UNC80: variants seen among roughly 807,000 people sequenced by gnomAD.
UNC80 encodes the protein unc-80 subunit of NALCN channel complex.
UNC80 carries 164 observed loss-of-function variants against 384.6 expected under a neutral mutation model. The ratio of observed to expected loss-of-function variants is 0.43; its 90% CI spans 0.38 to 0.49. The LOEUF (loss-of-function observed/expected upper bound fraction) is 0.49, where lower values mean the gene tolerates loss of function less well. UNC80 is among the 20% of genes least tolerant of loss of function. The pLI is 0.00. For synonymous variants in UNC80, 1,486 were observed against 1,527.8 expected, an observed-to-expected ratio of 0.97 and a Z score of 0.64; for missense variants, 3,330 against 4,143.0, an observed-to-expected ratio of 0.80 and a Z score of 5.39.
At chr2:209,795,868 T>A (rs746268501) in intron 7 of UNC80, 3 of 152,252 alleles carry the variant, frequency 2.0e-5, no homozygotes, top group Non-Finnish European at 4.4e-5. Context: ...AGGGCCCTCA[T>A]GGAGAACCTC....
At chr2:209,858,411 A>C (rs1034930705) in intron 22 of UNC80, among the ~76,000 whole-genome samples, 2 of 152,284 alleles carry the variant, frequency 1.3e-5, no homozygotes, top group East Asian at 1.9e-4. Context: ...ATGTCTTATT[A>C]AAAGCATGTA....
Position 209,840,637 on chromosome 2 carries a change from C to G in UNC80, c.3346C>G (p.Gln1116Glu). Reference protein sequence around the residue: ...SSVDRLSFIRQSSKVKFTSAV... With the variant: ...SSVDRLSFIRESSKVKFTSAV... ...TGTGGACCGACTCTCTTTCATCAGGCAAAGCTCCAAGGTAAACAGGACATA... is the reference window on the plus strand; with the variant it reads ...TGTGGACCGACTCTCTTTCATCAGGGAAAGCTCCAAGGTAAACAGGACATA... Residue 1116 changes from glutamine (Q) to glutamate (E), a missense_variant, in exon 20 of 65, where the codon CAA becomes GAA. By Grantham distance (29) the Gln-to-Glu change is conservative (BLOSUM62 2). Coordinates refer to ENST00000673920, the MANE Select transcript of UNC80 (RefSeq NM_001371986.1). 6.4e-7 allele frequency: 1 copy of G among 1,551,868 alleles called. No individual in the cohort carries two copies. The highest frequency in any genetic ancestry group is 1.2e-5 in the South Asian group (1 of 84,052).
chr2:209,866,490 C>CACACACACACACACA (rs1559226593), intron 22 of UNC80, among the ~76,000 whole-genome samples: 5 of 107,554 alleles, frequency 4.6e-5, no homozygotes, highest in East Asian at 2.9e-4. Flanking sequence ...AAATGCACCC[C>CACACACACACACACA]CACACACACA....
At chr2:209,780,587 G>A (rs2077103017) in intron 4 of UNC80, among the ~76,000 whole-genome samples, 1 of 152,142 alleles carries the variant, frequency 6.6e-6, no homozygotes, top group Admixed American at 6.5e-5. Context: ...TGCATTGTAG[G>A]ATATTTAGTA....
At chr2:209,963,534 A>G (rs1196305501) in intron 51 of UNC80, among the ~76,000 whole-genome samples, 1 of 152,242 alleles carries the variant, frequency 6.6e-6, no homozygotes, top group African/African-American at 2.4e-5. Flanking sequence ...AGACAGATTG[A>G]TTATCTCACA....
At chr2:209,974,069 A>G (rs892188323) in intron 56 of UNC80, among the ~76,000 whole-genome samples, 2 of 152,162 alleles carry the variant, frequency 1.3e-5, no homozygotes, top group African/African-American at 4.8e-5. Context: ...TAGCGCTGAG[A>G]ATAAGTGGCA....
chr2:209,846,453 T>G (rs947430888), intron 21 of UNC80, among the ~76,000 whole-genome samples: 4 of 152,114 alleles, frequency 2.6e-5, no homozygotes, highest in African/African-American at 7.2e-5. Context: ...TTGTATGTTC[T>G]CAGCTGTGCC....
chr2:209,967,501 C>G lies in UNC80; in HGVS notation c.7870C>G (p.Arg2624Gly), dbSNP rs1006036798. The change falls in exon 52 of 65, where the codon CGT becomes GGT. Residue 2624 changes from arginine (R) to glycine (G), a missense_variant. Around this residue, in one of 8 missense-constraint regions of UNC80, gnomAD observed 1,049 missense variants for 1,488.6 expected, o/e 0.70. Coordinates refer to ENST00000673920, the MANE Select transcript of UNC80 (RefSeq NM_001371986.1). Reference protein sequence around the residue: ...APYDTQTMESRGLRRYIMEML... With the variant: ...APYDTQTMESGGLRRYIMEML... ...ATATGACACTCAGACAATGGAGAGT[C>G]GTGGGCTTCGGCGCTACATCATGGA... 1 of 1,551,504 alleles carries G rather than the reference C, an allele frequency of 6.4e-7. No homozygotes were observed. Among genetic ancestry groups the G allele is most frequent in the East Asian group, 2.4e-5 (1 of 40,922 alleles).
intron 46 of UNC80, 56 bp from the exon 47 acceptor site, chr2:209,945,791 C>A: frequency 8.1e-7 from 1 of 1,234,054 alleles, no homozygotes; most frequent in South Asian, 1.3e-5. Flanking sequence ...ATAGGTGCTT[C>A]TTTATCTCCT....
Position 209,825,904 on chromosome 2 carries a change from CA to C in UNC80, c.2332-2del. 1 of 1,527,560 alleles carries C rather than the reference CA, an allele frequency of 6.5e-7. No homozygotes were observed. The highest frequency in any genetic ancestry group is 1.3e-5 in the South Asian group (1 of 79,016). 94.6% of individuals were successfully genotyped at this position (1,527,560 alleles called of 1,614,324 possible). ...TTCTTTCTTTCTCATTCGTGGGTAC[CA>C]GGATGAAAGTACACCTGTAAGCAAC... is the stretch of plus-strand genomic sequence containing the variant. On this transcript the variant is annotated splice_acceptor_variant, in intron 13 of 64. Transcript: ENST00000673920. LOFTEE classifies it high-confidence loss of function.
intron 7 of UNC80, among the ~76,000 whole-genome samples, chr2:209,803,301 T>C (rs533472938): frequency 6.6e-6 from 1 of 152,296 alleles, no homozygotes; most frequent in African/African-American, 2.4e-5. Context: ...ATGTACAAAC[T>C]CTTCCTATAT....
intron 7 of UNC80, 77 bp downstream of exon 7, chr2:209,793,936 T>C: frequency 3.2e-6 from 5 of 1,539,364 alleles, no homozygotes; most frequent in Non-Finnish European, 4.5e-6. Context: ...ACTACTTCGA[T>C]AGCCTCTGTT....
intron 51 of UNC80, 53 bp downstream of exon 51, chr2:209,959,760 T>C: frequency 1.3e-6 from 2 of 1,498,122 alleles, no homozygotes; most frequent in Non-Finnish European, 1.8e-6. Flanking sequence ...GGCCCATGTG[T>C]CTGAATGTGT....
intron 31 of UNC80, among the ~76,000 whole-genome samples, chr2:209,915,959 T>TA (rs1173304383): frequency 6.6e-6 from 1 of 152,252 alleles, no homozygotes; most frequent in East Asian, 1.9e-4. Context: ...CATTACATTC[T>TA]ATTCATATAA....
intron 58 of UNC80, among the ~76,000 whole-genome samples, chr2:209,978,046 A>G (rs1461462992): frequency 6.6e-6 from 1 of 152,214 alleles, no homozygotes; most frequent in African/African-American, 2.4e-5. Context: ...CATAGAACTG[A>G]GGGATATTTT....
intron 61 of UNC80, among the ~76,000 whole-genome samples, chr2:209,986,080 C>G (rs943368659): frequency 6.6e-6 from 1 of 152,080 alleles, no homozygotes; most frequent in South Asian, 2.1e-4. Flanking sequence ...TTAGCAGGAG[C>G]TTTGGGGGCA....
chr2:209,890,825 A>G (rs1255014018), intron 26 of UNC80, among the ~76,000 whole-genome samples: 1 of 152,224 alleles, frequency 6.6e-6, no homozygotes, highest in East Asian at 1.9e-4. Flanking sequence ...TTAAATATAC[A>G]TAATAAGCAT....
At position 209,984,490 on chromosome 2, in the gene UNC80, T is replaced by C. The variant is rs369415055; in HGVS notation, c.9258-366T>C. Among the ~76,000 whole-genome samples, 13 of 152,310 alleles carry C rather than the reference T, an allele frequency of 8.5e-5. No homozygotes were observed. The South Asian group carries it at 1.2e-3, about 15-fold the overall frequency. On this transcript the variant is annotated intron_variant, in intron 60 of 64. Transcript: ENST00000673920. ...CCATGTACATAAGACAGGTTAAAAA[T>C]AATCACCACCTAGCCAAATGGTTAC...
chr2:209,982,495 T>A, intron 60 of UNC80, 178 bp downstream of exon 60: 1 of 747,528 alleles, frequency 1.3e-6, no homozygotes, highest in Non-Finnish European at 1.9e-6. Context: ...TTTGCAGTTT[T>A]CTAAGCCAAG....
Sources: allele counts gnomAD v4.1 joint callset (sites outside exome capture counted in the v4.1 genomes callset), GRCh38; gene constraint gnomAD v4.1.1; regional missense constraint gnomAD v4.1.1; transcripts MANE v1.5; gene names NCBI Gene and HGNC (gene_info 2026-07-23, HGNC 2026-07-21).